The following CCDC14 variants were observed in gnomAD, a reference collection of about 807,000 sequenced individuals.
The protein encoded by CCDC14 is coiled-coil domain-containing protein 14.
CCDC14 carries 71 observed loss-of-function variants against 81.4 expected under a neutral mutation model. The observed-to-expected ratio is 0.87, with a 90% CI of 0.72 to 1.06. CCDC14 has a LOEUF of 1.06. CCDC14 is among the 50% of genes least tolerant of loss of function. The pLI, the probability that CCDC14 is intolerant of heterozygous loss-of-function variation, is 0.00. For synonymous variants in CCDC14, 332 were observed against 364.8 expected (o/e 0.91, Z 1.03); for missense variants, 1,046 against 1,047.3 (o/e 1.00, Z 0.02).
At chr3:123,899,088 T>C (rs1056401172) in intron 5 of CCDC14, among the ~76,000 whole-genome samples, 2 of 152,184 alleles carry the variant, frequency 1.3e-5, no homozygotes, top group Non-Finnish European at 2.9e-5. Flanking sequence ...TCAGAAGTTA[T>C]TTTAACAAGT....
At chr3:123,898,379 T>G (rs2034112503) in intron 5 of CCDC14, among the ~76,000 whole-genome samples, 1 of 152,200 alleles carries the variant, frequency 6.6e-6, no homozygotes, top group African/African-American at 2.4e-5. Context: ...AATCGTGCCA[T>G]GCCAAACTCA....
intron 12 of CCDC14, among the ~76,000 whole-genome samples, chr3:123,925,602 A>G (rs1380825481): frequency 6.6e-6 from 1 of 151,950 alleles, no homozygotes; most frequent in African/African-American, 2.4e-5. Flanking sequence ...TGCCCAGGTA[A>G]TTTTTGTATT....
chr3:123,892,945 T>C (rs1284188205), downstream of CCDC14, among the ~76,000 whole-genome samples: 1 of 151,942 alleles, frequency 6.6e-6, no homozygotes, highest in Non-Finnish European at 1.5e-5. Context: ...CCTGGGACTA[T>C]AGGTGCGTGC....
intron 8 of CCDC14, 61 bp downstream of exon 8, chr3:123,946,742 A>G: frequency 1.4e-6 from 2 of 1,447,922 alleles, no homozygotes; most frequent in East Asian, 2.3e-5. Flanking sequence ...TGATAGCTAA[A>G]TAACATGACA....
rs2037325130 is a variant in CCDC14, at chr3:123,956,341, C to T, written c.159+14G>A. 6.6e-7 allele frequency: 1 copy of T among 1,514,616 alleles called. No individual in the cohort carries two copies. Among genetic ancestry groups the T allele is most frequent in the Non-Finnish European group, 8.9e-7 (1 of 1,120,280 alleles). 93.8% of individuals were successfully genotyped at this position (1,514,616 alleles called of 1,614,324 possible). ...CTAATTAAAATAGTGTGTATTGTAT[C>T]TATTCAATCTTACCTGACTTTCTGA... is the stretch of plus-strand genomic sequence containing the variant. On this transcript the variant is annotated intron_variant, in intron 3 of 12. Coordinates refer to ENST00000409697, the MANE Select transcript of CCDC14 (RefSeq NM_001366335.1).
chr3:123,887,790 A>G, the CCDC14 span, among the ~76,000 whole-genome samples: 2 of 152,148 alleles, frequency 1.3e-5, no homozygotes, highest in African/African-American at 4.8e-5. Flanking sequence ...ATTTTCTTCA[A>G]TTAAAGTCTT....
Position 123,955,925 on chromosome 3 carries a change from T to G in CCDC14, c.270A>C (p.Arg90Ser). The G allele has an allele frequency of 6.5e-7, 1 of 1,534,634 alleles. No individual in the cohort carries two copies. Among genetic ancestry groups the G allele is most frequent in the Non-Finnish European group, 8.8e-7 (1 of 1,136,264 alleles). The change falls in exon 5 of 13, where the codon AGA becomes AGC. Residue 90 changes from arginine to serine, a missense_variant. By Grantham distance (110) the Arg-to-Ser change is moderately radical (BLOSUM62 -1). Transcript: ENST00000409697. ...ATCCGTATCTTTTGCTTTCTAAAGG[T>G]CTAGAATTAGATCTGTTTTCTAAAT... is the stretch of plus-strand genomic sequence containing the variant. Reference protein sequence around the residue: ...TAYLENRSNSRPLESKRYGSK... With the variant: ...TAYLENRSNSSPLESKRYGSK...
At chr3:123,923,703 C>G (rs1351181868) in intron 12 of CCDC14, among the ~76,000 whole-genome samples, 1 of 150,874 alleles carries the variant, frequency 6.6e-6, no homozygotes, top group Non-Finnish European at 1.5e-5. Flanking sequence ...AGGAGGTGAA[C>G]AATACACATA....
intron 5 of CCDC14, among the ~76,000 whole-genome samples, chr3:123,906,286 C>T (rs1319549068): frequency 1.3e-5 from 2 of 151,686 alleles, no homozygotes; most frequent in Admixed American, 6.6e-5. Context: ...GCCGAGATCG[C>T]GCCACTGCAC....
chr3:123,957,375 T>C (rs2037388291), intron 1 of CCDC14: 2 of 152,154 alleles, frequency 1.3e-5, no homozygotes, highest in African/African-American at 2.4e-5. Flanking sequence ...ATATGTTCTA[T>C]AGTCCCAAAT....
At chr3:123,916,550 G>C (rs1287561604) in intron 12 of CCDC14, among the ~76,000 whole-genome samples, 2 of 150,304 alleles carry the variant, frequency 1.3e-5, no homozygotes, top group Non-Finnish European at 3.0e-5. Flanking sequence ...GGCATAATAG[G>C]TATAAGCAAC....
downstream of CCDC14, among the ~76,000 whole-genome samples, chr3:123,894,332 A>G (rs1179009201): frequency 5.3e-5 from 8 of 152,228 alleles, no homozygotes; most frequent in Admixed American, 5.2e-4. Flanking sequence ...TGCTTATGCC[A>G]GTACCACACT....
At chr3:123,922,035 C>T (rs1392257633) in intron 12 of CCDC14, among the ~76,000 whole-genome samples, 1 of 152,190 alleles carries the variant, frequency 6.6e-6, no homozygotes, top group Non-Finnish European at 1.5e-5. Flanking sequence ...AAGCATCTTC[C>T]GATTCCAACG....
chr3:123,930,145 T>C (rs886708798), intron 12 of CCDC14, among the ~76,000 whole-genome samples: 4 of 152,222 alleles, frequency 2.6e-5, no homozygotes, highest in Non-Finnish European at 4.4e-5. Context: ...GAAATATAAA[T>C]GTGGAAAAAG....
chr3:123,912,087 A>G (rs1020762425), downstream of CCDC14, among the ~76,000 whole-genome samples: 2 of 152,136 alleles, frequency 1.3e-5, no homozygotes, highest in African/African-American at 4.8e-5. Context: ...TACTAAATTC[A>G]TTGTAAAGGG....
downstream of CCDC14, among the ~76,000 whole-genome samples, chr3:123,896,816 T>C (rs7636679): frequency 6.6e-6 from 1 of 152,228 alleles, no homozygotes; most frequent in Non-Finnish European, 1.5e-5. Context: ...TCTTATGTAT[T>C]ATTCTTTAAA....
At position 123,929,757 on chromosome 3, in the gene CCDC14, T is replaced by C. The variant is rs2035593151; in HGVS notation, c.1778+1345A>G. On this transcript the variant is annotated intron_variant, in intron 12 of 12. Coordinates refer to ENST00000409697, the MANE Select transcript of CCDC14 (RefSeq NM_001366335.1). The stretch of plus-strand genomic sequence containing the variant: ...ACCCATTAGCAGTCATTTCCCATTC[T>C]ACACCCCTGGGTTCCTCCAGCCCCT... Among the ~76,000 whole-genome samples the C allele has an allele frequency of 2.6e-5, 4 of 152,198 alleles. No homozygotes were observed. The South Asian group carries it at 8.3e-4, about 32-fold the overall frequency.
rs1041781815 is a variant in CCDC14, at chr3:123,914,330, G to T, written c.*449C>A. On this transcript the variant is annotated 3_prime_UTR_variant, in exon 13 of 13. Coordinates refer to ENST00000409697, the MANE Select transcript of CCDC14 (RefSeq NM_001366335.1). ...CAACAACACTGGCCTGTGGCACACA[G>T]CATGTTTAATAAAAACACATTGCTA... 3 of 984,718 alleles carry T rather than the reference G, an allele frequency of 3.0e-6. No individual in the cohort carries two copies. The highest frequency in any genetic ancestry group is 1.2e-4 in the Admixed American group (2 of 16,244). 61.0% of individuals were successfully genotyped at this position (984,718 alleles called of 1,614,324 possible). A position where few individuals can be genotyped will look rare whatever the true frequency, so the allele number is the denominator to read the frequency against.
chr3:123,930,486 A>G (rs1228039420), intron 12 of CCDC14, among the ~76,000 whole-genome samples: 2 of 152,234 alleles, frequency 1.3e-5, no homozygotes, highest in Non-Finnish European at 2.9e-5. Flanking sequence ...TCTCAAAAGA[A>G]AACTGAATTT....
Sources: gnomAD v4.1 joint callset for allele counts (sites outside exome capture counted in the v4.1 genomes callset) on GRCh38, gnomAD v4.1.1 for gene constraint, MANE v1.5 for transcripts, NCBI Gene and HGNC (gene_info 2026-07-23, HGNC 2026-07-21) for gene names.